The following RAF1 variants were observed in gnomAD, a reference collection of about 807,000 sequenced individuals.
RAF1 encodes RAF proto-oncogene serine/threonine-protein kinase.
RAF1 carries 27 observed loss-of-function variants against 81.1 expected under a neutral mutation model. The observed-to-expected ratio is 0.33, with a 90% confidence interval of 0.25 to 0.46. RAF1 has a LOEUF of 0.46. Ranked by LOEUF, RAF1 falls within the 20% of genes least tolerant of loss-of-function variation. RAF1 has a pLI of 1.00. For synonymous variants in RAF1, 298 were observed against 294.0 expected (o/e 1.01, Z -0.14); for missense variants, 598 against 826.0 (o/e 0.72, Z 3.38).
intron 1 of RAF1, among the ~76,000 whole-genome samples, chr3:12,624,894 AAAAAAAAAC>A (rs2059656581): frequency 6.7e-6 from 1 of 150,262 alleles, no homozygotes; most frequent in African/African-American, 2.5e-5. Context: ...TCAAAAAAAA[AAAAAAAAAC>A]AAAAACAAAA....
At chr3:12,659,447 T>TAAAAAAAAAAAAAAAAAAAAA (rs1553625806) in intron 1 of RAF1, among the ~76,000 whole-genome samples, 1 of 33,162 alleles carries the variant, frequency 3.0e-5, no homozygotes, top group Admixed American at 3.2e-4. Context: ...AAAAAAAAAT[T>TAAAAAAAAAAAAAAAAAAAAA]ACACGCAAGA....
intron 1 of RAF1, among the ~76,000 whole-genome samples, chr3:12,641,086 C>T (rs1296497028): frequency 6.6e-6 from 1 of 151,802 alleles, no homozygotes; most frequent in Non-Finnish European, 1.5e-5. Flanking sequence ...ACCTGGAAAC[C>T]ATCATTCTGA....
intron 1 of RAF1, among the ~76,000 whole-genome samples, chr3:12,632,324 CAAAAAAAA>C (rs34396520): frequency 1.6e-5 from 2 of 123,432 alleles, no homozygotes; most frequent in Admixed American, 8.6e-5. Context: ...AACTCCGTCT[CAAAAAAAA>C]AAAAAAAAAG....
intron 1 of RAF1, among the ~76,000 whole-genome samples, chr3:12,660,096 T>C (rs1248793498): frequency 6.6e-6 from 1 of 152,210 alleles, no homozygotes; most frequent in East Asian, 1.9e-4. Context: ...TGAACTTGCT[T>C]AATCTTCAGA....
chr3:12,651,610 C>T (rs2060529014), intron 1 of RAF1, among the ~76,000 whole-genome samples: 1 of 150,218 alleles, frequency 6.7e-6, no homozygotes, highest in Non-Finnish European at 1.5e-5. Flanking sequence ...GCCGAGATCG[C>T]ACCACTGCAC....
rs1002032429 is a variant in RAF1, at chr3:12,583,786, A to G, written c.*728T>C. 2 of 232,640 alleles carry G rather than the reference A, an allele frequency of 8.6e-6. No homozygotes were observed. The highest frequency in any genetic ancestry group is 4.4e-5 in the African/African-American group (2 of 45,280). 14.4% of individuals were successfully genotyped at this position (232,640 alleles called of 1,614,324 possible). Reference sequence around the variant, plus strand: ...AAGGCTGTTTGTTTGTTTGTTTGTTAGAGAAACAAGGCTGGCCCTGCGGCC... The same window carrying G: ...AAGGCTGTTTGTTTGTTTGTTTGTTGGAGAAACAAGGCTGGCCCTGCGGCC... On this transcript the variant is annotated 3_prime_UTR_variant, in exon 18 of 18. Coordinates refer to ENST00000442415, the MANE Select transcript of RAF1 (RefSeq NM_001354689.3).
At chr3:12,660,211 G>A (rs554667449) in intron 1 of RAF1, among the ~76,000 whole-genome samples, 2 of 151,758 alleles carry the variant, frequency 1.3e-5, no homozygotes, top group East Asian at 1.9e-4. Context: ...GATACTTTTT[G>A]TCAGAAATTA....
intron 11 of RAF1, among the ~76,000 whole-genome samples, chr3:12,597,906 G>A (rs2058733942): frequency 6.6e-6 from 1 of 151,218 alleles, no homozygotes; most frequent in African/African-American, 2.4e-5. Context: ...AACAGAGCCA[G>A]ATCTTGTCTC....
At chr3:12,652,952 A>AT (rs113267671) in intron 1 of RAF1, among the ~76,000 whole-genome samples, 2,810 of 151,188 alleles carry the variant, frequency 0.019, 88 homozygotes, top group African/African-American at 0.064. Flanking sequence ...AAAAAAAAAA[A>AT]TTTTTTTAAT....
At chr3:12,606,391 T>A in intron 5 of RAF1, 92 bp from the exon 6 acceptor site, 1 of 879,302 alleles carries the variant, frequency 1.1e-6, no homozygotes, top group Non-Finnish European at 1.9e-6. Context: ...TCAGAGCTAC[T>A]AAAACTGAAC....
chr3:12,627,021 CAA>C (rs34692000), intron 1 of RAF1, among the ~76,000 whole-genome samples: 5 of 77,040 alleles, frequency 6.5e-5, no homozygotes, highest in African/African-American at 8.6e-5. Flanking sequence ...GACTCTGTCT[CAA>C]AAAAAAAAAA....
chr3:12,663,161 C>A (rs560975696), intron 1 of RAF1, among the ~76,000 whole-genome samples: 1 of 152,346 alleles, frequency 6.6e-6, no homozygotes, highest in East Asian at 1.9e-4. Flanking sequence ...TCAGCAGCTG[C>A]AGAGCTGAAG....
chr3:12,648,078 C>T (rs572910605), intron 1 of RAF1, among the ~76,000 whole-genome samples: 41 of 152,158 alleles, frequency 2.7e-4, no homozygotes, highest in Non-Finnish European at 5.4e-4. Context: ...CATTTTAAAT[C>T]ACATTGTCTG....
intron 5 of RAF1, among the ~76,000 whole-genome samples, chr3:12,608,107 C>T (rs1029860480): frequency 5.3e-5 from 8 of 152,090 alleles, no homozygotes; most frequent in African/African-American, 1.9e-4. Context: ...ATAACACTCC[C>T]TTGGTTTCTC....
At position 12,590,450 on chromosome 3, in the gene RAF1, G is replaced by A. The variant is rs543905835; in HGVS notation, c.1430+348C>T. 223 of 273,620 alleles carry A rather than the reference G, an allele frequency of 8.1e-4. 7 individuals carry two copies. The highest frequency in any genetic ancestry group is 9.5e-4 in the Non-Finnish European group (129 of 135,862). The allele number at this position is 273,620 out of a possible 1,614,324, so 16.9% of individuals were successfully genotyped here. ...AGCGATTCTCCCTGTCCCAGTTCTT[G>A]AGTAGCTGGGATTATAGGCATGTGC... On this transcript the variant is annotated intron_variant, in intron 13 of 17. Coordinates refer to ENST00000442415, the MANE Select transcript of RAF1 (RefSeq NM_001354689.3).
At chr3:12,597,718 CA>C (rs1490876392) in intron 11 of RAF1, among the ~76,000 whole-genome samples, 1 of 151,962 alleles carries the variant, frequency 6.6e-6, no homozygotes, top group Non-Finnish European at 1.5e-5. Context: ...ATTTCGAGAC[CA>C]GTCTAGGAAA....
chr3:12,623,850 TTTTC>T (rs2059622636), intron 1 of RAF1, among the ~76,000 whole-genome samples: 3 of 88,130 alleles, frequency 3.4e-5, no homozygotes, highest in Non-Finnish European at 4.6e-5. Context: ...TTCCTAACCC[TTTTC>T]TTTTTTCTTT....
intron 1 of RAF1, among the ~76,000 whole-genome samples, chr3:12,663,064 G>A (rs924274589): frequency 6.6e-6 from 1 of 152,072 alleles, no homozygotes; most frequent in Non-Finnish European, 1.5e-5. Context: ...CAGAGCCCTA[G>A]AACGAGAACA....
intron 1 of RAF1, among the ~76,000 whole-genome samples, chr3:12,637,472 C>T (rs887858751): frequency 3.3e-5 from 5 of 151,738 alleles, no homozygotes; most frequent in African/African-American, 1.2e-4. Flanking sequence ...GACACGTTGA[C>T]CAGGCTGTTC....
Sources: gnomAD v4.1 joint callset for allele counts (sites outside exome capture counted in the v4.1 genomes callset) on GRCh38, gnomAD v4.1.1 for gene constraint, MANE v1.5 for transcripts, NCBI Gene and HGNC (gene_info 2026-07-23, HGNC 2026-07-21) for gene names.